Variants in GNB4 observed in about 807,000 individuals in gnomAD.
GNB4 encodes the protein G protein subunit beta 4.
Under a neutral mutation model 45.2 loss-of-function variants are expected in GNB4, and 28 were observed. The observed-to-expected ratio is 0.62, with a 90% CI of 0.46 to 0.85. GNB4 has a LOEUF of 0.85. Among genes scored for constraint, GNB4 ranks in the 40% least tolerant of loss-of-function variants. GNB4 has a pLI of 0.00. For synonymous variants in GNB4, 132 were observed against 143.7 expected (o/e 0.92, Z 0.58); for missense variants, 321 against 425.4 (o/e 0.75, Z 2.16).
chr3:179,477,001 C>CAAT, the GNB4 span, among the ~76,000 whole-genome samples: 1 of 152,168 alleles, frequency 6.6e-6, no homozygotes, highest in Non-Finnish European at 1.5e-5. Context: ...GGCAGCAAGC[C>CAAT]AATAGAAGGT....
chr3:179,462,344 A>G, the GNB4 span, among the ~76,000 whole-genome samples: 38,521 of 152,176 alleles, frequency 0.25, 5,677 homozygotes, highest in East Asian at 0.42. Context: ...TTAAGTCACT[A>G]TAACCCACTT....
At chr3:179,466,347 G>A in the GNB4 span, among the ~76,000 whole-genome samples, 1 of 152,166 alleles carries the variant, frequency 6.6e-6, no homozygotes, top group African/African-American at 2.4e-5. Context: ...GTTGTGCCAA[G>A]CTAGGAGCTT....
the GNB4 span, among the ~76,000 whole-genome samples, chr3:179,458,827 A>G: frequency 6.6e-6 from 1 of 152,220 alleles, no homozygotes; most frequent in South Asian, 2.1e-4. Context: ...TGCAGAAGAT[A>G]TGGAAGGCTA....
chr3:179,428,720 AT>A (rs904115697), intron 1 of GNB4, among the ~76,000 whole-genome samples: 5 of 152,134 alleles, frequency 3.3e-5, no homozygotes, highest in Admixed American at 3.3e-4. Flanking sequence ...TTCTAGCTAT[AT>A]TGCCCTGCCA....
chr3:179,511,422 A>G, the GNB4 span, among the ~76,000 whole-genome samples: 1 of 152,208 alleles, frequency 6.6e-6, no homozygotes, highest in Non-Finnish European at 1.5e-5. Flanking sequence ...CCTTAGATGA[A>G]ATCTGGTTGC....
the GNB4 span, among the ~76,000 whole-genome samples, chr3:179,487,600 T>A: frequency 1.3e-5 from 2 of 152,142 alleles, no homozygotes; most frequent in Non-Finnish European, 2.9e-5. Context: ...AAATTATAAA[T>A]AAGACCTAAA....
At chr3:179,416,655 A>T in intron 4 of GNB4, 99 bp from the exon 5 acceptor site, 1 of 633,962 alleles carries the variant, frequency 1.6e-6, no homozygotes, top group Non-Finnish European at 2.6e-6. Context: ...AGAAAAATAC[A>T]ATTTTTCCAA....
At chr3:179,425,396 G>A (rs1715113710) in intron 2 of GNB4, among the ~76,000 whole-genome samples, 1 of 152,158 alleles carries the variant, frequency 6.6e-6, no homozygotes, top group African/African-American at 2.4e-5. Flanking sequence ...GTTTGTAGTT[G>A]TTTCTTATCC....
chr3:179,453,311 G>A (rs1248902038), upstream of GNB4, among the ~76,000 whole-genome samples: 7 of 152,110 alleles, frequency 4.6e-5, no homozygotes, highest in Non-Finnish European at 7.4e-5. Flanking sequence ...TAGTAGACAC[G>A]GGGTTTCACC....
At position 179,400,926 on chromosome 3, in the gene GNB4, G is replaced by T. The variant is rs906041898; in HGVS notation, c.*287C>A. 2.9e-5 allele frequency: 8 copies of T among 274,668 alleles called. No individual in the cohort carries two copies. In the Middle Eastern group the frequency reaches 3.5e-3, roughly 119 times the overall value. 17.0% of individuals were successfully genotyped at this position (274,668 alleles called of 1,614,324 possible). ...CGAGCTGCTATAATGTGTACATTCT[G>T]TTCTACACAAAGAAAATACACTCTG... On this transcript the variant is annotated 3_prime_UTR_variant, in exon 10 of 10. Transcript: ENST00000232564.
the GNB4 span, among the ~76,000 whole-genome samples, chr3:179,522,874 T>C: frequency 6.6e-6 from 1 of 152,242 alleles, no homozygotes; most frequent in South Asian, 2.1e-4. Context: ...TGGTCCTGGC[T>C]GTTGTGTAGG....
chr3:179,451,736 T>C, upstream of GNB4: 1 of 152,114 alleles, frequency 6.6e-6, no homozygotes, highest in Admixed American at 6.5e-5. Context: ...CGTTTTCTTG[T>C]TGGTGTGGCG....
chr3:179,482,591 G>A, the GNB4 span, among the ~76,000 whole-genome samples: 1 of 152,122 alleles, frequency 6.6e-6, no homozygotes, highest in African/African-American at 2.4e-5. Context: ...TTGAGACATT[G>A]AGGCTGTAGT....
chr3:179,429,587 T>A (rs1303668091), intron 1 of GNB4, among the ~76,000 whole-genome samples: 9 of 152,180 alleles, frequency 5.9e-5, no homozygotes, highest in Admixed American at 5.9e-4. Context: ...CAGTACTTCA[T>A]CAGGCATTCT....
At chr3:179,464,285 T>A in the GNB4 span, 1 of 535,316 alleles carries the variant, frequency 1.9e-6, no homozygotes, top group Non-Finnish European at 3.4e-6. Flanking sequence ...ATAGAGAGAC[T>A]CCATCTCTAC....
chr3:179,422,694 C>A (rs1241363746), intron 2 of GNB4, among the ~76,000 whole-genome samples: 5 of 152,086 alleles, frequency 3.3e-5, no homozygotes, highest in Admixed American at 2.6e-4. Flanking sequence ...AACAAATCAT[C>A]TATTATAATA....
chr3:179,471,289 G>A, the GNB4 span, among the ~76,000 whole-genome samples: 2 of 152,036 alleles, frequency 1.3e-5, no homozygotes, highest in African/African-American at 4.8e-5. Flanking sequence ...TAAGTCTGTA[G>A]TAGTGCACAG....
chr3:179,463,973 T>G, the GNB4 span, among the ~76,000 whole-genome samples: 5 of 152,220 alleles, frequency 3.3e-5, no homozygotes, highest in African/African-American at 1.2e-4. Context: ...GAATAGATCT[T>G]AAATATTCTC....
the GNB4 span, among the ~76,000 whole-genome samples, chr3:179,489,725 G>T: frequency 6.6e-6 from 1 of 152,112 alleles, no homozygotes; most frequent in Admixed American, 6.5e-5. Context: ...TCTAAAAGGA[G>T]GTGAAATTAA....
Sources: gnomAD v4.1 joint callset for allele counts (sites outside exome capture counted in the v4.1 genomes callset) on GRCh38, gnomAD v4.1.1 for gene constraint, MANE v1.5 for transcripts, NCBI Gene and HGNC (gene_info 2026-07-23, HGNC 2026-07-21) for gene names.